Variants in GABRG3 observed in about 807,000 individuals in gnomAD.
GABRG3 encodes gamma-aminobutyric acid type A receptor subunit gamma3, also known as gamma-aminobutyric acid receptor subunit gamma-3.
Under a neutral mutation model 48.8 loss-of-function variants are expected in GABRG3, and 25 were observed. That is an observed-to-expected ratio of 0.51 (90% CI 0.37 to 0.72). The LOEUF (loss-of-function observed/expected upper bound fraction) is 0.72. Among genes scored for constraint, GABRG3 ranks in the 30% least tolerant of loss-of-function variants. The probability of loss-of-function intolerance (pLI) is 0.00; values close to 1 mark genes in which losing one functional copy is unlikely to be tolerated. For missense variants in GABRG3, 394 were observed against 577.9 expected (o/e 0.68, Z 3.26); for synonymous variants, 227 against 217.6 (o/e 1.04, Z -0.38).
In GABRG3 at chr15:27,308,271, TA is replaced by T. The variant is rs1296917877; in HGVS notation, c.271-18536del. 2.2e-3 allele frequency among the ~76,000 whole-genome samples: 224 copies of T among 102,172 alleles called. 16 individuals carry two copies. Among genetic ancestry groups the T allele is most frequent in the African/African-American group, 6.9e-3 (177 of 25,738 alleles). The allele number at this position is 102,172 out of a possible 152,430, so 67.0% of individuals were successfully genotyped here. On this transcript the variant is annotated intron_variant, in intron 3 of 9. Transcript: ENST00000615808. ...ATAAACATACGTTTATATATAAACA[TA>T]ATATAAACATACGTTTATATATAAA...
At chr15:27,279,639 A>G (rs1393994429) in intron 3 of GABRG3, among the ~76,000 whole-genome samples, 1 of 152,216 alleles carries the variant, frequency 6.6e-6, no homozygotes, top group African/African-American at 2.4e-5. Context: ...TTCTTCTGCT[A>G]GTACCACACG....
chr15:27,326,938 C>A lies in GABRG3; in HGVS notation c.400C>A (p.Arg134Ser). ...AATCTGGATCCCAGACACCATCTTC[C>A]GCAATTCTAAAACCGCAGAGGCTCA... is the stretch of plus-strand genomic sequence containing the variant. ...GLIWIPDTIF[R>S]NSKTAEAHWI... Residue 134 changes from arginine to serine, a missense_variant, in exon 4 of 10, where the codon CGC becomes AGC. Physicochemically the swap from Arg to Ser is moderately radical, Grantham distance 110. This residue lies in a region of GABRG3 where 218 missense variants were observed against 309.9 expected (regional missense o/e 0.70). Transcript: ENST00000615808. 1 of 1,613,984 alleles carries A rather than the reference C, an allele frequency of 6.2e-7. No homozygotes were observed. Among genetic ancestry groups the A allele is most frequent in the Non-Finnish European group, 8.5e-7 (1 of 1,179,898 alleles).
In GABRG3 at chr15:27,355,643, C is replaced by T. The variant is rs150511997; in HGVS notation, c.574+26755C>T. 6.6e-5 allele frequency among the ~76,000 whole-genome samples: 10 copies of T among 152,314 alleles called. No individual in the cohort carries two copies. The East Asian group carries it at 1.7e-3, about 26-fold the overall frequency. ...GTATATAGCAGGGAAAACATGAAAA[C>T]ATGTATTTACACAAAAACTTGTACA... On this transcript the variant is annotated intron_variant, in intron 5 of 9. Coordinates refer to ENST00000615808, the MANE Select transcript of GABRG3 (RefSeq NM_033223.5).
rs796867999 is a variant in GABRG3 at position 27,437,030 on chromosome 15, A to C, written c.575-43620A>C. 1.2e-4 allele frequency among the ~76,000 whole-genome samples: 18 copies of C among 146,804 alleles called. No homozygotes were observed. The South Asian group carries it at 2.6e-3, about 21-fold the overall frequency. ...GAGAGAGAGAGAGAGAGAGAGAGAGAGAGCGCCCACATTCTCATGAGGACA... is the reference window on the plus strand; with the variant it reads ...GAGAGAGAGAGAGAGAGAGAGAGAGCGAGCGCCCACATTCTCATGAGGACA... On this transcript the variant is annotated intron_variant, in intron 5 of 9. Coordinates refer to ENST00000615808, the MANE Select transcript of GABRG3 (RefSeq NM_033223.5).
At chr15:27,386,455 A>T (rs115276344) in intron 5 of GABRG3, among the ~76,000 whole-genome samples, 1,549 of 151,964 alleles carry the variant, frequency 0.01, 20 homozygotes, top group African/African-American at 0.036. Context: ...TTCCCCACTG[A>T]TATCACAGCA....
chr15:27,155,989 G>A (rs1399306589), intron 3 of GABRG3, among the ~76,000 whole-genome samples: 1 of 152,086 alleles, frequency 6.6e-6, no homozygotes, highest in Non-Finnish European at 1.5e-5. Flanking sequence ...CTAGAAAAGA[G>A]TGGTTATTGT....
chr15:27,248,799 C>CAG (rs1183443172), intron 3 of GABRG3, among the ~76,000 whole-genome samples: 215 of 115,586 alleles, frequency 1.9e-3, no homozygotes, highest in African/African-American at 7.8e-3. Context: ...CACACACACA[C>CAG]ACACAGAGAG....
At chr15:26,985,326 C>T (rs758601358) in intron 2 of GABRG3, among the ~76,000 whole-genome samples, 15 of 152,112 alleles carry the variant, frequency 9.9e-5, no homozygotes, top group African/African-American at 1.4e-4. Context: ...CTGGGCAGCG[C>T]GAGAGGAATC....
intron 5 of GABRG3, among the ~76,000 whole-genome samples, chr15:27,419,810 G>T (rs1264676042): frequency 6.6e-6 from 1 of 152,174 alleles, no homozygotes; most frequent in South Asian, 2.1e-4. Flanking sequence ...TTTGATCACT[G>T]ATGTTTAGAA....
chr15:27,438,779 A>G (rs537909877), intron 5 of GABRG3, among the ~76,000 whole-genome samples: 137 of 152,308 alleles, frequency 9.0e-4, no homozygotes, highest in Middle Eastern at 3.4e-3. Context: ...AAAAATCATC[A>G]TGAGTACATT....
At chr15:27,087,481 G>C (rs1304982594) in intron 3 of GABRG3, among the ~76,000 whole-genome samples, 1 of 152,220 alleles carries the variant, frequency 6.6e-6, no homozygotes, top group East Asian at 1.9e-4. Context: ...ACTTGAAAGT[G>C]TGGGCCAAGA....
chr15:27,353,683 A>T (rs923858086), intron 5 of GABRG3, among the ~76,000 whole-genome samples: 2 of 151,974 alleles, frequency 1.3e-5, no homozygotes, highest in Non-Finnish European at 2.9e-5. Flanking sequence ...ACCTTAAGTG[A>T]TCCACCCACC....
chr15:27,492,989 G>A (rs1566865746), intron 6 of GABRG3, among the ~76,000 whole-genome samples: 2 of 152,190 alleles, frequency 1.3e-5, no homozygotes. Context: ...TTGGGGTGTG[G>A]AGATGCACCA....
chr15:27,491,904 T>A (rs1317629961), intron 6 of GABRG3, among the ~76,000 whole-genome samples: 2 of 152,206 alleles, frequency 1.3e-5, no homozygotes, highest in South Asian at 4.1e-4. Context: ...TTCTTCTTAT[T>A]ACCCCATATG....
At chr15:27,003,204 TTTATTTA>T (rs1288518464) in intron 2 of GABRG3, among the ~76,000 whole-genome samples, 2 of 99,394 alleles carry the variant, frequency 2.0e-5, no homozygotes, top group South Asian at 6.7e-4. Flanking sequence ...TTATTTTATA[TTTATTTA>T]TTTATTTATT....
chr15:27,521,338 C>T (rs530374397), intron 7 of GABRG3, among the ~76,000 whole-genome samples: 2 of 152,144 alleles, frequency 1.3e-5, no homozygotes, highest in African/African-American at 4.8e-5. Flanking sequence ...CCCTAGACGT[C>T]CTTTAATGAA....
At chr15:26,984,962 T>G (rs547908900) in intron 2 of GABRG3, among the ~76,000 whole-genome samples, 1 of 152,362 alleles carries the variant, frequency 6.6e-6, no homozygotes, top group South Asian at 2.1e-4. Flanking sequence ...TCATCTTGTC[T>G]TGGCCGTATC....
chr15:27,408,492 TCTAA>T (rs1186532695), intron 5 of GABRG3, among the ~76,000 whole-genome samples: 1 of 152,162 alleles, frequency 6.6e-6, no homozygotes, highest in African/African-American at 2.4e-5. Context: ...TGAAATTATT[TCTAA>T]CTATTAATGG....
At chr15:27,224,086 G>A (rs1349269114) in intron 3 of GABRG3, among the ~76,000 whole-genome samples, 1 of 152,188 alleles carries the variant, frequency 6.6e-6, no homozygotes, top group Non-Finnish European at 1.5e-5. Context: ...ACCAGGTGAT[G>A]TACGTGGAAG....
Sources: allele counts gnomAD v4.1 joint callset (sites outside exome capture counted in the v4.1 genomes callset), GRCh38; gene constraint gnomAD v4.1.1; regional missense constraint gnomAD v4.1.1; transcripts MANE v1.5; gene names NCBI Gene and HGNC (gene_info 2026-07-23, HGNC 2026-07-21).